The following LRP1B variants were observed in gnomAD, a reference collection of about 807,000 sequenced individuals.
LRP1B encodes LDL receptor related protein 1B.
In LRP1B, 217 loss-of-function variants were observed where a neutral mutation model predicts 556.6. The observed-to-expected ratio is 0.39, with a 90% confidence interval of 0.35 to 0.44. The LOEUF is 0.44. Ranked by LOEUF, LRP1B falls within the 20% of genes least tolerant of loss-of-function variation. LRP1B has a pLI of 1.00. For synonymous variants in LRP1B, 2,047 were observed against 1,865.8 expected (o/e 1.10, Z -2.50); for missense variants, 5,053 against 5,620.8 (o/e 0.90, Z 3.23).
At chr2:140,802,175 A>G (rs1217762607) in intron 32 of LRP1B, among the ~76,000 whole-genome samples, 1 of 152,194 alleles carries the variant, frequency 6.6e-6, no homozygotes, top group Non-Finnish European at 1.5e-5. Context: ...TGTCAATGGA[A>G]GGTTTCCATT....
chr2:140,515,191 T>C (rs992867044), intron 50 of LRP1B, among the ~76,000 whole-genome samples: 1 of 151,992 alleles, frequency 6.6e-6, no homozygotes, highest in African/African-American at 2.4e-5. Flanking sequence ...GGTAACAATA[T>C]GGTGGACTAA....
At chr2:141,582,827 CTTTT>C (rs869158175) in intron 2 of LRP1B, among the ~76,000 whole-genome samples, 152 of 71,778 alleles carry the variant, frequency 2.1e-3, no homozygotes, top group African/African-American at 7.7e-3. Flanking sequence ...ACCTATTAAA[CTTTT>C]TTTTTTTTTT....
intron 7 of LRP1B, among the ~76,000 whole-genome samples, chr2:141,078,569 C>T (rs1167177918): frequency 2.6e-5 from 4 of 152,120 alleles, no homozygotes; most frequent in Non-Finnish European, 4.4e-5. Context: ...GGGCATCGGT[C>T]ACTGTATCTG....
At chr2:141,687,061 A>C (rs1691338133) in intron 2 of LRP1B, among the ~76,000 whole-genome samples, 1 of 152,162 alleles carries the variant, frequency 6.6e-6, no homozygotes, top group African/African-American at 2.4e-5. Context: ...AGCAACAGAA[A>C]GACTAAGAAA....
chr2:142,040,370 C>T (rs546622112), intron 1 of LRP1B, among the ~76,000 whole-genome samples: 9 of 151,026 alleles, frequency 6.0e-5, no homozygotes, highest in Admixed American at 1.3e-4. Context: ...TTGCACATTC[C>T]GGGAGGCAAA....
intron 3 of LRP1B, among the ~76,000 whole-genome samples, chr2:141,282,254 A>C (rs1685537103): frequency 6.6e-6 from 1 of 152,066 alleles, no homozygotes; most frequent in Admixed American, 6.6e-5. Context: ...CTAGTTAATA[A>C]TATAAATAAA....
At chr2:140,779,170 T>C (rs1459867845) in intron 32 of LRP1B, among the ~76,000 whole-genome samples, 2 of 152,010 alleles carry the variant, frequency 1.3e-5, no homozygotes, top group Non-Finnish European at 2.9e-5. Flanking sequence ...AAAAAATGAA[T>C]ATATGCATGT....
At chr2:140,636,408 G>A (rs1458835594) in intron 41 of LRP1B, among the ~76,000 whole-genome samples, 1 of 151,978 alleles carries the variant, frequency 6.6e-6, no homozygotes, top group African/African-American at 2.4e-5. Context: ...AATAACTTGA[G>A]GATCATTTCT....
At chr2:140,563,951 T>C (rs953648107) in intron 43 of LRP1B, among the ~76,000 whole-genome samples, 3 of 152,150 alleles carry the variant, frequency 2.0e-5, no homozygotes, top group Non-Finnish European at 2.9e-5. Context: ...TCTTCATTAC[T>C]AACACAAGTG....
chr2:140,644,552 C>T (rs1684412376), intron 41 of LRP1B, among the ~76,000 whole-genome samples: 2 of 151,948 alleles, frequency 1.3e-5, no homozygotes, highest in African/African-American at 4.8e-5. Flanking sequence ...CACGTGTCAC[C>T]ATGCCTGGCT....
chr2:141,052,552 C>G (rs944190155), intron 10 of LRP1B, among the ~76,000 whole-genome samples: 1 of 151,952 alleles, frequency 6.6e-6, no homozygotes, highest in Non-Finnish European at 1.5e-5. Context: ...TTTCCTTAAT[C>G]AAAAGTAAAG....
At chr2:141,045,747 G>A (rs933526937) in intron 11 of LRP1B, among the ~76,000 whole-genome samples, 7 of 151,916 alleles carry the variant, frequency 4.6e-5, no homozygotes, top group African/African-American at 7.3e-5. Flanking sequence ...ACCTGGCCCC[G>A]ATACGGCATT....
At chr2:140,324,090 T>A (rs2105059793) in intron 80 of LRP1B, 24 bp from the exon 81 acceptor site, 1 of 1,534,946 alleles carries the variant, frequency 6.5e-7, no homozygotes, top group Non-Finnish European at 9.0e-7. Flanking sequence ...AAGGCAGTTA[T>A]GAAAGTTTTA....
chr2:141,940,497 C>T (rs535132590), intron 1 of LRP1B, among the ~76,000 whole-genome samples: 4 of 152,208 alleles, frequency 2.6e-5, no homozygotes, highest in African/African-American at 9.6e-5. Flanking sequence ...GTTGCTGTGA[C>T]TTCTTAATGA....
intron 7 of LRP1B, among the ~76,000 whole-genome samples, chr2:141,107,151 G>A (rs1249418175): frequency 1.3e-5 from 2 of 151,670 alleles, no homozygotes; most frequent in Non-Finnish European, 2.9e-5. Context: ...TAAAGAATAG[G>A]CAAAAAAGTA....
In LRP1B at chr2:140,769,266, G is replaced by T. The variant is rs771596895; in HGVS notation, c.5705C>A (p.Ala1902Asp). ...IPLEPSDKMD[A>D]LMPISGTSFA... ...TGAAGTTCCTGATATAGGCATCAAA[G>T]CATCCATTTTGTCACTTGGTTCAAG... is the stretch of plus-strand genomic sequence containing the variant. Residue 1902 changes from alanine to aspartate, a missense_variant, in exon 35 of 91, where the codon GCT becomes GAT. Ala to Asp is a moderately radical substitution (Grantham distance 126). Around this residue, in one of 5 missense-constraint regions of LRP1B, gnomAD observed 3,619 missense variants for 3,931.9 expected, o/e 0.92. Coordinates refer to ENST00000389484, the MANE Select transcript of LRP1B (RefSeq NM_018557.3). 6.2e-7 allele frequency: 1 copy of T among 1,612,130 alleles called. No homozygotes were observed. Among genetic ancestry groups the T allele is most frequent in the Non-Finnish European group, 8.5e-7 (1 of 1,178,654 alleles).
At chr2:140,242,220 TAA>T (rs1680977552) in intron 87 of LRP1B, among the ~76,000 whole-genome samples, 1 of 151,254 alleles carries the variant, frequency 6.6e-6, no homozygotes, top group African/African-American at 2.4e-5. Context: ...GTATCATCAT[TAA>T]TAGTTATCAT....
At chr2:141,088,021 T>G (rs963693651) in intron 7 of LRP1B, among the ~76,000 whole-genome samples, 7 of 152,214 alleles carry the variant, frequency 4.6e-5, no homozygotes, top group African/African-American at 1.7e-4. Context: ...CTATTCTAAA[T>G]CCAGTTATTT....
chr2:141,247,135 A>G, intron 5 of LRP1B, 91 bp downstream of exon 5: 15 of 1,439,028 alleles, frequency 1.0e-5, no homozygotes, highest in Non-Finnish European at 1.4e-5. Flanking sequence ...CAAAGTCCAT[A>G]TTTCTGCTAT....
Sources: gnomAD v4.1 joint callset for allele counts (sites outside exome capture counted in the v4.1 genomes callset) on GRCh38, gnomAD v4.1.1 for gene constraint, gnomAD v4.1.1 regional missense constraint, MANE v1.5 for transcripts, NCBI Gene and HGNC (gene_info 2026-07-23, HGNC 2026-07-21) for gene names.